Variants in CACNG2 observed in about 807,000 individuals in gnomAD.
CACNG2 encodes calcium voltage-gated channel auxiliary subunit gamma 2.
CACNG2 carries 3 observed loss-of-function variants against 25.9 expected under a neutral mutation model. The ratio of observed to expected loss-of-function variants is 0.12; its 90% CI spans 0.05 to 0.30. The LOEUF is 0.30. CACNG2 is among the 10% of genes least tolerant of loss of function. The pLI is 1.00. For synonymous variants in CACNG2, 167 were observed against 173.3 expected, an observed-to-expected ratio of 0.96 and a Z score of 0.29; for missense variants, 341 against 432.5, an observed-to-expected ratio of 0.79 and a Z score of 1.88.
chr22:36,640,592 G>A (rs1936429002), intron 1 of CACNG2, among the ~76,000 whole-genome samples: 1 of 152,200 alleles, frequency 6.6e-6, no homozygotes, highest in South Asian at 2.1e-4. Flanking sequence ...TCACCTGCAG[G>A]ACGGGAACCA....
At chr22:36,651,898 C>G (rs1328331013) in intron 1 of CACNG2, among the ~76,000 whole-genome samples, 1 of 152,160 alleles carries the variant, frequency 6.6e-6, no homozygotes, top group African/African-American at 2.4e-5. Flanking sequence ...GAGTCTCGCT[C>G]TGTTGCCCAG....
At chr22:36,568,648 G>C (rs1423641970) in intron 2 of CACNG2, among the ~76,000 whole-genome samples, 2 of 152,022 alleles carry the variant, frequency 1.3e-5, no homozygotes, top group Non-Finnish European at 2.9e-5. Context: ...CAAGTGATCT[G>C]CCCGCCTCGG....
chr22:36,699,833 T>C (rs1228638391), intron 1 of CACNG2, among the ~76,000 whole-genome samples: 1 of 152,140 alleles, frequency 6.6e-6, no homozygotes, highest in South Asian at 2.1e-4. Context: ...ACAACTGAAC[T>C]TACAGCCTTT....
At chr22:36,600,470 A>G (rs1935739262) in intron 1 of CACNG2, among the ~76,000 whole-genome samples, 1 of 151,882 alleles carries the variant, frequency 6.6e-6, no homozygotes, top group South Asian at 2.1e-4. Flanking sequence ...AATGCGGGAA[A>G]CTTTATAGCC....
At chr22:36,578,929 T>C (rs1935368924) in intron 2 of CACNG2, among the ~76,000 whole-genome samples, 1 of 152,042 alleles carries the variant, frequency 6.6e-6, no homozygotes, top group Admixed American at 6.6e-5. Flanking sequence ...GGGGAGAAGA[T>C]TCCGTAACAG....
chr22:36,675,410 T>G (rs1439206640), intron 1 of CACNG2, among the ~76,000 whole-genome samples: 1 of 152,216 alleles, frequency 6.6e-6, no homozygotes, highest in Admixed American at 6.5e-5. Context: ...CCTGTTCTCC[T>G]TTCCTGACCC....
intron 1 of CACNG2, among the ~76,000 whole-genome samples, chr22:36,660,503 G>A (rs531830341): frequency 2.0e-5 from 3 of 152,340 alleles, no homozygotes; most frequent in South Asian, 2.1e-4. Context: ...GCAACTCCAC[G>A]CTGCTCCTGG....
chr22:36,658,101 C>G (rs555471820), intron 1 of CACNG2, among the ~76,000 whole-genome samples: 54 of 152,230 alleles, frequency 3.5e-4, no homozygotes, highest in Non-Finnish European at 6.6e-4. Flanking sequence ...TGGTTTGCAT[C>G]AGGGCTGCTG....
chr22:36,625,962 C>T (rs1443632994), intron 1 of CACNG2, among the ~76,000 whole-genome samples: 1 of 152,150 alleles, frequency 6.6e-6, no homozygotes, highest in Non-Finnish European at 1.5e-5. Context: ...CTCTGTCACC[C>T]AGGCTGGAGT....
At chr22:36,616,279 T>C (rs191065361) in intron 1 of CACNG2, among the ~76,000 whole-genome samples, 2 of 152,368 alleles carry the variant, frequency 1.3e-5, no homozygotes, top group Admixed American at 1.3e-4. Flanking sequence ...TTATTATTGT[T>C]GAGTTATTTT....
At chr22:36,671,066 G>T (rs1936942661) in intron 1 of CACNG2, among the ~76,000 whole-genome samples, 1 of 151,916 alleles carries the variant, frequency 6.6e-6, no homozygotes, top group Non-Finnish European at 1.5e-5. Context: ...TTACAGGCAT[G>T]CACCACCACA....
In CACNG2 at chr22:36,606,184, C is replaced by T. The variant is rs564266002; in HGVS notation, c.212-18636G>A. Among the ~76,000 whole-genome samples, 14 of 152,194 alleles carry T rather than the reference C, an allele frequency of 9.2e-5. No homozygotes were observed. The highest frequency in any genetic ancestry group is 1.9e-4 in the Non-Finnish European group (13 of 68,036). On this transcript the variant is annotated intron_variant, in intron 1 of 3. Transcript: ENST00000300105. This position sits in a 1 kb window ranked among gnomAD's most constrained non-coding sequence, Gnocchi z 5.7. Reference sequence around the variant, plus strand: ...ACAGCAGAGAAGGGATCAATACAGACGGATTCCCCGTCCCCCAGAGCTGAG... The same window carrying T: ...ACAGCAGAGAAGGGATCAATACAGATGGATTCCCCGTCCCCCAGAGCTGAG...
At chr22:36,652,760 A>G (rs1000792575) in intron 1 of CACNG2, among the ~76,000 whole-genome samples, 7 of 152,114 alleles carry the variant, frequency 4.6e-5, no homozygotes, top group African/African-American at 1.7e-4. Context: ...GGTGCTCAGT[A>G]ATGTTGCTTG....
Position 36,564,202 on chromosome 22 carries a change from T to G in CACNG2, c.*149A>C. On this transcript the variant is annotated 3_prime_UTR_variant, in exon 4 of 4. Coordinates refer to ENST00000300105, the MANE Select transcript of CACNG2 (RefSeq NM_006078.5). This position sits in a 1 kb window ranked among gnomAD's most constrained non-coding sequence, Gnocchi z 6.7. ...TTTTTTCTCTTTTTTTGTGTGTGTG[T>G]GTTTTTTTGTTTTTTGTTTTTTTGT... 1 of 603,016 alleles carries G rather than the reference T, an allele frequency of 1.7e-6. No individual in the cohort carries two copies. Among genetic ancestry groups the G allele is most frequent in the Non-Finnish European group, 2.8e-6 (1 of 361,632 alleles). 37.4% of individuals were successfully genotyped at this position (603,016 alleles called of 1,614,324 possible). A position where few individuals can be genotyped will look rare whatever the true frequency, so the allele number is the denominator to read the frequency against.
At chr22:36,661,896 T>A (rs777045623) in intron 1 of CACNG2, among the ~76,000 whole-genome samples, 21 of 151,722 alleles carry the variant, frequency 1.4e-4, no homozygotes, top group Non-Finnish European at 2.5e-4. Flanking sequence ...GCTAGCAATA[T>A]TCTCTTGAAG....
At chr22:36,663,642 C>A (rs1482698225) in intron 1 of CACNG2, among the ~76,000 whole-genome samples, 4 of 152,194 alleles carry the variant, frequency 2.6e-5, no homozygotes, top group Admixed American at 6.5e-5. Context: ...GCCTCTCCCA[C>A]AAGCTGTGGG....
intron 1 of CACNG2, among the ~76,000 whole-genome samples, chr22:36,647,657 T>G (rs955825201): frequency 7.9e-5 from 12 of 152,210 alleles, no homozygotes; most frequent in Non-Finnish European, 1.3e-4. Flanking sequence ...TACCCTGCCT[T>G]TCTTCCTGGT....
chr22:36,678,368 T>G (rs1221230965), intron 1 of CACNG2, among the ~76,000 whole-genome samples: 2 of 152,106 alleles, frequency 1.3e-5, no homozygotes, highest in African/African-American at 4.8e-5. Flanking sequence ...AGTAGCTCAA[T>G]TTTTAACCCC....
In CACNG2 at chr22:36,702,702, AT is replaced by A; in HGVS notation, c.-127del. ...TTATTCCACTACTAATATAATGGAT[AT>A]ATGTATGAATAGAGAATATGGAGAG... On this transcript the variant is annotated 5_prime_UTR_variant, in exon 1 of 4. Coordinates refer to ENST00000300105, the MANE Select transcript of CACNG2 (RefSeq NM_006078.5). The A allele has an allele frequency of 1.4e-6, 1 of 694,076 alleles. No homozygotes were observed. Among genetic ancestry groups the A allele is most frequent in the East Asian group, 2.7e-5 (1 of 37,080 alleles). 43.0% of individuals were successfully genotyped at this position (694,076 alleles called of 1,614,324 possible).
Sources: gnomAD v4.1 joint callset for allele counts (sites outside exome capture counted in the v4.1 genomes callset) on GRCh38, gnomAD v4.1.1 for gene constraint, Gnocchi (gnomAD v3.1) non-coding constraint, MANE v1.5 for transcripts, NCBI Gene and HGNC (gene_info 2026-07-23, HGNC 2026-07-21) for gene names.